The following MIS18BP1 variants were observed in gnomAD, a reference collection of about 807,000 sequenced individuals.
MIS18BP1 encodes the protein mis18-binding protein 1.
MIS18BP1 carries 72 observed loss-of-function variants against 116.1 expected under a neutral mutation model. That is an observed-to-expected ratio of 0.62 (90% confidence interval 0.51 to 0.75). The LOEUF (loss-of-function observed/expected upper bound fraction) is 0.75. MIS18BP1 is among the 30% of genes least tolerant of loss of function. MIS18BP1 has a pLI of 0.00. For synonymous variants in MIS18BP1, 386 were observed against 427.0 expected (o/e 0.90, Z 1.18); for missense variants, 1,363 against 1,303.2 (o/e 1.05, Z -0.71).
chr14:45,220,892 T>G (rs1411079898), intron 11 of MIS18BP1, among the ~76,000 whole-genome samples: 1 of 152,186 alleles, frequency 6.6e-6, no homozygotes, highest in Non-Finnish European at 1.5e-5. Context: ...CCTAGCATTT[T>G]GGGAGGCCAA....
rs1027081997 is a variant in MIS18BP1, at chr14:45,250,992, G to A, written c.-92+2043C>T. On this transcript the variant is annotated intron_variant, in intron 1 of 16. Transcript: ENST00000310806. ...GCGGAGCTTGCAGTGAGCCGACATC[G>A]CGCCACTGCACTCCAGCATGGGCGA... Among the ~76,000 whole-genome samples the A allele has an allele frequency of 3.5e-5, 5 of 143,120 alleles. No individual in the cohort carries two copies. In the East Asian group the frequency reaches 8.4e-4, roughly 24 times the overall value. The allele number at this position is 143,120 out of a possible 152,430, so 93.9% of individuals were successfully genotyped here. A position where few individuals can be genotyped will look rare whatever the true frequency, so the allele number is the denominator to read the frequency against.
At chr14:45,248,561 T>C (rs1891786353) in intron 1 of MIS18BP1, among the ~76,000 whole-genome samples, 1 of 152,190 alleles carries the variant, frequency 6.6e-6, no homozygotes, top group South Asian at 2.1e-4. Flanking sequence ...TTAGTTAACA[T>C]CATATAAACA....
At chr14:45,237,517 CT>C in intron 5 of MIS18BP1, 130 bp downstream of exon 5, 1 of 1,091,192 alleles carries the variant, frequency 9.2e-7, no homozygotes, top group Non-Finnish European at 1.2e-6. Context: ...AGTAATTTTA[CT>C]TTTTTGCCTT....
At chr14:45,216,191 G>C (rs1422520520) in intron 13 of MIS18BP1, among the ~76,000 whole-genome samples, 1 of 151,980 alleles carries the variant, frequency 6.6e-6, no homozygotes, top group African/African-American at 2.4e-5. Flanking sequence ...TTGGGCTTTT[G>C]GATTTCTTAG....
At chr14:45,218,261 A>G (rs1481166027) in intron 12 of MIS18BP1, 21 bp downstream of exon 12, 1 of 1,607,222 alleles carries the variant, frequency 6.2e-7, no homozygotes, top group East Asian at 2.2e-5. Context: ...TAGGAAAAAA[A>G]CTATTTACTA....
chr14:45,248,702 T>TTA (rs1891789755), intron 1 of MIS18BP1, among the ~76,000 whole-genome samples: 1 of 152,116 alleles, frequency 6.6e-6, no homozygotes, highest in Admixed American at 6.5e-5. Context: ...TAATTTATGA[T>TTA]AATAGAGAAA....
intron 14 of MIS18BP1, among the ~76,000 whole-genome samples, chr14:45,206,597 G>C (rs549356989): frequency 6.6e-6 from 1 of 152,122 alleles, no homozygotes; most frequent in African/African-American, 2.4e-5. Flanking sequence ...GACCTCAAAC[G>C]TATTTCCATC....
intron 8 of MIS18BP1, among the ~76,000 whole-genome samples, chr14:45,228,472 C>A (rs1225905882): frequency 1.3e-5 from 2 of 152,134 alleles, no homozygotes; most frequent in Non-Finnish European, 2.9e-5. Flanking sequence ...AACTGTTCTT[C>A]TTCTATTTCT....
chr14:45,222,506 T>G (rs899846170), intron 11 of MIS18BP1, among the ~76,000 whole-genome samples: 1 of 152,200 alleles, frequency 6.6e-6, no homozygotes, highest in Non-Finnish European at 1.5e-5. Flanking sequence ...ATCAACCTGG[T>G]GGTATCCCAA....
chr14:45,246,502 C>T (rs1466995990), intron 2 of MIS18BP1, among the ~76,000 whole-genome samples: 2 of 152,330 alleles, frequency 1.3e-5, no homozygotes, highest in East Asian at 3.9e-4. Flanking sequence ...ACATCCCCCT[C>T]CAACTCTTCC....
In MIS18BP1 at chr14:45,242,076, T is replaced by G. The variant is rs150308652; in HGVS notation, c.1101A>C (p.Pro367=). The G allele has an allele frequency of 1.9e-5, 31 of 1,613,168 alleles. No individual in the cohort carries two copies. The African/African-American group carries it at 4.0e-4, about 21-fold the overall frequency. The change falls in exon 4 of 17, where the codon CCA becomes CCC. Residue 367 remains proline (P), a synonymous_variant. Transcript: ENST00000310806. ...SKRNISKLSP[P]RIFQTVTNGL... is the part of the protein sequence containing the mutation. ...CATTTGTAACAGTTTGAAATATTCT[T>G]GGAGGAGAAAGCTTTGAAATATTTC...
At chr14:45,227,417 G>A (rs1384820377) in intron 9 of MIS18BP1, among the ~76,000 whole-genome samples, 1 of 151,932 alleles carries the variant, frequency 6.6e-6, no homozygotes, top group Admixed American at 6.6e-5. Context: ...TGAGGCAGGA[G>A]AATCACTCGA....
chr14:45,216,958 TA>T, intron 13 of MIS18BP1, 60 bp downstream of exon 13: 3 of 1,548,786 alleles, frequency 1.9e-6, no homozygotes, highest in Non-Finnish European at 2.6e-6. Context: ...CTACCATACA[TA>T]AAAATGAAAG....
Position 45,217,072 on chromosome 14 carries a change from C to T in MIS18BP1, c.2950G>A (p.Asp984Asn). Residue 984 changes from aspartate (D) to asparagine (N), a missense_variant, in exon 13 of 17, where the codon GAT (aspartate) becomes AAT (asparagine). Coordinates refer to ENST00000310806, the MANE Select transcript of MIS18BP1 (RefSeq NM_018353.5). Reference sequence around the variant, plus strand: ...GTACTGAAAAAATCATCATGGTCATCTTTTGGCAACTGTTCCAGAAATTCC... The same window carrying T: ...GTACTGAAAAAATCATCATGGTCATTTTTTGGCAACTGTTCCAGAAATTCC... ...MREFLEQLPK[D>N]DHDDFFSTTP... is the part of the protein sequence containing the mutation. The T allele has an allele frequency of 1.2e-6, 2 of 1,614,126 alleles. No individual in the cohort carries two copies. The highest frequency in any genetic ancestry group is 1.7e-6 in the Non-Finnish European group (2 of 1,180,004).
At chr14:45,218,577 T>C (rs1890886812) in intron 11 of MIS18BP1, 123 bp from the exon 12 acceptor site, 2 of 916,628 alleles carry the variant, frequency 2.2e-6, no homozygotes, top group Admixed American at 7.0e-5. Context: ...ATCAAAATCA[T>C]TCTGGATAAC....
chr14:45,250,812 C>T (rs574541935), intron 1 of MIS18BP1, among the ~76,000 whole-genome samples: 2 of 151,956 alleles, frequency 1.3e-5, no homozygotes, highest in South Asian at 4.1e-4. Flanking sequence ...CGAATGACGG[C>T]GAATCACGAG....
At chr14:45,228,328 C>A (rs1187770045) in intron 8 of MIS18BP1, among the ~76,000 whole-genome samples, 1 of 152,184 alleles carries the variant, frequency 6.6e-6, no homozygotes, top group African/African-American at 2.4e-5. Flanking sequence ...AAAGCCTAGA[C>A]AGCCATATTA....
intron 2 of MIS18BP1, among the ~76,000 whole-genome samples, chr14:45,244,905 A>AT (rs1891683893): frequency 6.6e-6 from 1 of 152,232 alleles, no homozygotes; most frequent in African/African-American, 2.4e-5. Context: ...GCATTAGATT[A>AT]TATTTCCTCT....
intron 4 of MIS18BP1, 49 bp from the exon 5 acceptor site, chr14:45,237,770 C>G (rs773436248): frequency 1.3e-6 from 2 of 1,536,774 alleles, no homozygotes; most frequent in South Asian, 1.3e-5. Flanking sequence ...ACTTGCAGCA[C>G]AAGCATTACA....
Sources: gnomAD v4.1 joint callset for allele counts (sites outside exome capture counted in the v4.1 genomes callset) on GRCh38, gnomAD v4.1.1 for gene constraint, MANE v1.5 for transcripts, NCBI Gene and HGNC (gene_info 2026-07-23, HGNC 2026-07-21) for gene names.